Variants in RABGAP1L observed in about 807,000 individuals in gnomAD.
RABGAP1L encodes RAB GTPase activating protein 1 like, also known as rab GTPase-activating protein 1-like.
Under a neutral mutation model 137.7 loss-of-function variants are expected in RABGAP1L, and 63 were observed. The observed-to-expected ratio is 0.46, with a 90% CI of 0.37 to 0.56. The LOEUF (loss-of-function observed/expected upper bound fraction) is 0.56, where lower values mean the gene tolerates loss of function less well. Ranked by LOEUF, RABGAP1L falls within the 20% of genes least tolerant of loss-of-function variation. The probability of loss-of-function intolerance (pLI) is 0.00; values close to 1 mark genes in which losing one functional copy is unlikely to be tolerated. For missense variants in RABGAP1L, 1,095 were observed against 1,244.0 expected (o/e 0.88, Z 1.80); for synonymous variants, 431 against 433.7 (o/e 0.99, Z 0.08).
intron 17 of RABGAP1L, among the ~76,000 whole-genome samples, chr1:174,729,542 A>G (rs1452646445): frequency 6.6e-6 from 1 of 152,204 alleles, no homozygotes; most frequent in African/African-American, 2.4e-5. Context: ...AACCTACAGA[A>G]TGGGAGATGA....
At chr1:174,879,538 T>C (rs1653803032) in intron 19 of RABGAP1L, among the ~76,000 whole-genome samples, 1 of 152,156 alleles carries the variant, frequency 6.6e-6, no homozygotes, top group African/African-American at 2.4e-5. Context: ...CGGCTGATAC[T>C]ATGATTTTTT....
At chr1:174,544,656 G>A (rs898674937) in intron 13 of RABGAP1L, among the ~76,000 whole-genome samples, 3 of 152,182 alleles carry the variant, frequency 2.0e-5, no homozygotes, top group Non-Finnish European at 2.9e-5. Context: ...GAGGAGCTGC[G>A]ATACTTTGGA....
intron 17 of RABGAP1L, among the ~76,000 whole-genome samples, chr1:174,747,428 C>T (rs928730062): frequency 2.1e-5 from 3 of 145,298 alleles, no homozygotes; most frequent in Non-Finnish European, 3.0e-5. Flanking sequence ...AAAAAAAAAC[C>T]TGATAGAATA....
At chr1:174,653,706 A>G (rs564532486) in intron 14 of RABGAP1L, among the ~76,000 whole-genome samples, 16 of 152,250 alleles carry the variant, frequency 1.1e-4, no homozygotes, top group Middle Eastern at 6.8e-3. Flanking sequence ...AGCTGTTTCT[A>G]TTTGTTCATC....
intron 13 of RABGAP1L, among the ~76,000 whole-genome samples, chr1:174,520,868 G>T (rs925793090): frequency 3.3e-5 from 5 of 152,094 alleles, no homozygotes; most frequent in Non-Finnish European, 7.4e-5. Flanking sequence ...GGGCATGGTG[G>T]TGCATGCCTA....
chr1:174,446,830 T>A (rs1420146443), intron 13 of RABGAP1L, among the ~76,000 whole-genome samples: 1 of 152,224 alleles, frequency 6.6e-6, no homozygotes, highest in African/African-American at 2.4e-5. Flanking sequence ...TGATTTAATG[T>A]GTTAAATCAT....
At chr1:174,867,125 G>C (rs1436922296) in intron 19 of RABGAP1L, among the ~76,000 whole-genome samples, 1 of 152,078 alleles carries the variant, frequency 6.6e-6, no homozygotes, top group Non-Finnish European at 1.5e-5. Context: ...GCTCACGCCT[G>C]TAATCCCAGC....
chr1:174,769,613 C>T (rs1685952192), intron 18 of RABGAP1L, among the ~76,000 whole-genome samples: 1 of 152,054 alleles, frequency 6.6e-6, no homozygotes, highest in Non-Finnish European at 1.5e-5. Flanking sequence ...CTAAATGTTT[C>T]CCAAAGTTAG....
Position 174,448,578 on chromosome 1 carries a change from G to C in RABGAP1L, c.1710+54433G>C. On this transcript the variant is annotated intron_variant, in intron 13 of 25. Transcript: ENST00000681986. This position sits in a 1 kb window ranked among gnomAD's most constrained non-coding sequence, Gnocchi z 4.2. ...TCCTACAATCAACTGGTCACCCCTTGTCGCTTGAGAATTTGCATTATTTTG... is the reference window on the plus strand; with the variant it reads ...TCCTACAATCAACTGGTCACCCCTTCTCGCTTGAGAATTTGCATTATTTTG... 6.2e-7 allele frequency: 1 copy of C among 1,613,948 alleles called. No individual in the cohort carries two copies. Among genetic ancestry groups the C allele is most frequent in the Non-Finnish European group, 8.5e-7 (1 of 1,179,894 alleles).
At chr1:174,741,880 A>AAAG (rs1683441279) in intron 17 of RABGAP1L, among the ~76,000 whole-genome samples, 2 of 138,422 alleles carry the variant, frequency 1.4e-5, no homozygotes, top group African/African-American at 5.2e-5. Flanking sequence ...AAAAAAAAAA[A>AAAG]GTAGAAAAAT....
At chr1:174,161,966 C>G (rs1369065485) in intron 1 of RABGAP1L, among the ~76,000 whole-genome samples, 1 of 151,894 alleles carries the variant, frequency 6.6e-6, no homozygotes, top group African/African-American at 2.4e-5. Flanking sequence ...CTCCTGGCCT[C>G]AGGCAGTCCT....
intron 18 of RABGAP1L, among the ~76,000 whole-genome samples, chr1:174,787,134 G>A (rs956178005): frequency 1.3e-5 from 2 of 152,142 alleles, no homozygotes; most frequent in African/African-American, 4.8e-5. Flanking sequence ...TGGACATAGT[G>A]GCTCACACCT....
chr1:174,530,491 T>G (rs1198829167), intron 13 of RABGAP1L, among the ~76,000 whole-genome samples: 1 of 152,186 alleles, frequency 6.6e-6, no homozygotes, highest in Non-Finnish European at 1.5e-5. Flanking sequence ...TTTCAGAGCC[T>G]GTAAGGACTG....
At position 174,994,500 on chromosome 1, in the gene RABGAP1L, C is replaced by T. The variant is rs1351181889; in HGVS notation, c.*4499C>T. On this transcript the variant is annotated 3_prime_UTR_variant, in exon 26 of 26. Coordinates refer to ENST00000681986, the MANE Select transcript of RABGAP1L (RefSeq NM_001366446.1). ...AAAGAATCATTGAGTAGAAAGTGAACATTTTAAGTTATTTTCCTTTTTCAT... is the reference window on the plus strand; with the variant it reads ...AAAGAATCATTGAGTAGAAAGTGAATATTTTAAGTTATTTTCCTTTTTCAT... 6.6e-6 allele frequency: 1 copy of T among 152,088 alleles called. No homozygotes were observed. Among genetic ancestry groups the T allele is most frequent in the African/African-American group, 2.4e-5 (1 of 41,344 alleles). The allele number at this position is 152,088 out of a possible 1,614,324, so 9.4% of individuals were successfully genotyped here.
chr1:174,377,237 T>C (rs889924148), intron 12 of RABGAP1L, among the ~76,000 whole-genome samples: 1 of 152,158 alleles, frequency 6.6e-6, no homozygotes, highest in Non-Finnish European at 1.5e-5. Flanking sequence ...GCTATGTTCA[T>C]GGAATGAAAA....
intron 19 of RABGAP1L, among the ~76,000 whole-genome samples, chr1:174,939,031 G>T (rs1011042435): frequency 1.3e-5 from 2 of 152,210 alleles, no homozygotes; most frequent in African/African-American, 4.8e-5. Flanking sequence ...ACTTGTGTTT[G>T]GCCAAGCCTA....
chr1:174,660,801 C>T (rs1300727872), intron 14 of RABGAP1L, among the ~76,000 whole-genome samples: 2 of 152,180 alleles, frequency 1.3e-5, no homozygotes, highest in Non-Finnish European at 2.9e-5. Flanking sequence ...TTAATATGGC[C>T]TGCCTTAACC....
intron 17 of RABGAP1L, among the ~76,000 whole-genome samples, chr1:174,736,754 G>T (rs190322933): frequency 6.6e-6 from 1 of 152,216 alleles, no homozygotes; most frequent in East Asian, 1.9e-4. Context: ...TGCATTCTGT[G>T]TACCTGCAGA....
Position 174,254,697 on chromosome 1 carries a change from G to A in RABGAP1L, c.986+2107G>A, listed in dbSNP as rs185714314. Among the ~76,000 whole-genome samples, 1,371 of 152,192 alleles carry A rather than the reference G, an allele frequency of 9.0e-3. 18 individuals carry two copies. Among genetic ancestry groups the A allele is most frequent in the African/African-American group, 0.031 (1,290 of 41,506 alleles). ...CTTTTTTATGGCTGCATAGTATTCC[G>A]TGGTGTATATGTGCCACATTTTCTT... is the stretch of plus-strand genomic sequence containing the variant. On this transcript the variant is annotated intron_variant, in intron 7 of 25. Transcript: ENST00000681986.
Sources: allele counts gnomAD v4.1 joint callset (sites outside exome capture counted in the v4.1 genomes callset), GRCh38; gene constraint gnomAD v4.1.1; non-coding constraint Gnocchi (gnomAD v3.1); transcripts MANE v1.5; gene names NCBI Gene and HGNC (gene_info 2026-07-23, HGNC 2026-07-21).